The following OTOP1 variants were observed in gnomAD, a reference collection of about 807,000 sequenced individuals.
The protein encoded by OTOP1 is otopetrin 1, also known as proton channel OTOP1.
A neutral mutation model predicts 52.9 loss-of-function variants in OTOP1; 59 were observed. That is an observed-to-expected ratio of 1.12 (90% CI 0.91 to 1.39). The LOEUF (loss-of-function observed/expected upper bound fraction) is 1.39. Ranked by LOEUF, OTOP1 falls within the 40% of genes most tolerant of loss-of-function variation. The pLI is 0.00. For missense variants in OTOP1, 761 were observed against 800.9 expected, an observed-to-expected ratio of 0.95 and a Z score of 0.60; for synonymous variants, 317 against 337.7, an observed-to-expected ratio of 0.94 and a Z score of 0.67.
chr4:4,197,661 C>A lies in OTOP1; in HGVS notation c.1173G>T (p.Ser391=). The A allele has an allele frequency of 1.2e-6, 2 of 1,613,590 alleles. No individual in the cohort carries two copies. The highest frequency in any genetic ancestry group is 2.2e-5 in the South Asian group (2 of 90,998). The part of the protein sequence containing the change: ...ESKNPARKLD[S]DLLVGTASGS... Reference sequence around the variant, plus strand: ...CCGAGGCAGTGCCCACCAAGAGGTCCGAGTCCAGTTTGCGGGCCGGATTTT... The same window carrying A: ...CCGAGGCAGTGCCCACCAAGAGGTCAGAGTCCAGTTTGCGGGCCGGATTTT... Residue 391 remains serine (S), a synonymous_variant, in exon 5 of 6, where the codon TCG becomes TCT. Coordinates refer to ENST00000296358, the MANE Select transcript of OTOP1 (RefSeq NM_177998.3).
intron 5 of OTOP1, among the ~76,000 whole-genome samples, chr4:4,190,112 T>G (rs954148726): frequency 2.0e-5 from 3 of 152,210 alleles, no homozygotes; most frequent in African/African-American, 7.2e-5. Flanking sequence ...CACTCCCTGG[T>G]ATATACAGCC....
At chr4:4,221,029 T>C (rs1315095541) in intron 1 of OTOP1, among the ~76,000 whole-genome samples, 2 of 149,184 alleles carry the variant, frequency 1.3e-5, no homozygotes, top group Non-Finnish European at 3.0e-5. Flanking sequence ...ACTTTATTTA[T>C]ATATTATTTT....
intron 1 of OTOP1, among the ~76,000 whole-genome samples, chr4:4,219,559 G>A (rs908708740): frequency 2.4e-4 from 36 of 151,958 alleles, no homozygotes; most frequent in African/African-American, 8.2e-4. Context: ...AAAATTAGCC[G>A]GGCGTGGTGG....
rs757641046 is a variant in OTOP1 at position 4,206,053 on chromosome 4, A to T, written c.599+19T>A. On this transcript the variant is annotated intron_variant, in intron 3 of 5. Transcript: ENST00000296358. ...GAATGCCAAATTCAACATATAAAGC[A>T]ATTACCCACAATTTTTACCTTTCCA... 2 of 1,582,876 alleles carry T rather than the reference A, an allele frequency of 1.3e-6. No individual in the cohort carries two copies. Among genetic ancestry groups the T allele is most frequent in the Admixed American group, 3.4e-5 (2 of 59,492 alleles).
intron 3 of OTOP1, among the ~76,000 whole-genome samples, chr4:4,202,885 A>T (rs1201612982): frequency 2.0e-5 from 3 of 152,178 alleles, no homozygotes; most frequent in African/African-American, 7.2e-5. Flanking sequence ...AATTTACTAA[A>T]AGCAGACAAC....
chr4:4,197,799 C>T lies in OTOP1; in HGVS notation c.1035G>A (p.Ser345=), dbSNP rs145547332. The T allele has an allele frequency of 1.2e-3, 1,928 of 1,613,952 alleles. 33 individuals carry two copies. The South Asian group carries it at 0.019, about 16-fold the overall frequency. The part of the protein sequence containing the change: ...HIGRSKTKSE[S]ALIMFYLYAI... The stretch of plus-strand genomic sequence containing the variant: ...CATACAGGTAGAACATGATGAGTGC[C>T]GACTCGCTCTTGGTCTTGGAGCGCC... The change falls in exon 5 of 6, where the codon TCG becomes TCA. Residue 345 remains serine (S), a synonymous_variant. Transcript: ENST00000296358.
chr4:4,199,473 G>A (rs1716731305), intron 4 of OTOP1, among the ~76,000 whole-genome samples: 1 of 151,982 alleles, frequency 6.6e-6, no homozygotes, highest in Non-Finnish European at 1.5e-5. Context: ...GAGTGCTGTG[G>A]CAAAATCTTG....
intron 2 of OTOP1, 26 bp downstream of exon 2, chr4:4,212,842 A>G: frequency 6.2e-7 from 1 of 1,612,746 alleles, no homozygotes; most frequent in Non-Finnish European, 8.5e-7. Flanking sequence ...GGAATGAGAC[A>G]ATATAAATAA....
At chr4:4,196,277 C>T (rs1008235359) in intron 5 of OTOP1, among the ~76,000 whole-genome samples, 1 of 152,000 alleles carries the variant, frequency 6.6e-6, no homozygotes, top group African/African-American at 2.4e-5. Context: ...TTTGGCCAGG[C>T]GTGGGAGCTC....
At chr4:4,212,774 C>G in intron 2 of OTOP1, 94 bp downstream of exon 2, 5 of 1,419,616 alleles carry the variant, frequency 3.5e-6, no homozygotes, top group Non-Finnish European at 4.9e-6. Context: ...CACACTGTCT[C>G]CACCTGCCAC....
chr4:4,218,916 G>C (rs1424175312), intron 1 of OTOP1, among the ~76,000 whole-genome samples: 1 of 151,642 alleles, frequency 6.6e-6, no homozygotes, highest in Admixed American at 6.6e-5. Flanking sequence ...GTAACAAAGC[G>C]AGACTCCGTC....
At position 4,197,502 on chromosome 4, in the gene OTOP1, A is replaced by G; in HGVS notation, c.1332T>C (p.Phe444=). Residue 444 remains phenylalanine (F), a synonymous_variant, in exon 5 of 6, where the codon TTT becomes TTC. Transcript: ENST00000296358. ...VEKYIQNLFI[F]ESIHREPEKL... ...TTTCAGGCTCTCGGTGAATGGATTC[A>G]AAGATGAAGAGGTTCTGGATGTACT... 6.2e-7 allele frequency: 1 copy of G among 1,613,938 alleles called. No homozygotes were observed. Among genetic ancestry groups the G allele is most frequent in the African/African-American group, 1.3e-5 (1 of 75,000 alleles).
At chr4:4,222,806 A>G (rs1717330385) in intron 1 of OTOP1, among the ~76,000 whole-genome samples, 1 of 152,130 alleles carries the variant, frequency 6.6e-6, no homozygotes, top group Non-Finnish European at 1.5e-5. Context: ...ATTCCAGAGG[A>G]AACCCCAGTC....
At chr4:4,204,932 A>G (rs958078769) in intron 3 of OTOP1, among the ~76,000 whole-genome samples, 1 of 151,970 alleles carries the variant, frequency 6.6e-6, no homozygotes, top group Non-Finnish European at 1.5e-5. Context: ...CACCACACAC[A>G]GCTAATTTTT....
At chr4:4,223,299 A>T (rs1717340567) in intron 1 of OTOP1, among the ~76,000 whole-genome samples, 1 of 152,190 alleles carries the variant, frequency 6.6e-6, no homozygotes, top group African/African-American at 2.4e-5. Context: ...AATCTTGGGA[A>T]ATGGTGCAAC....
chr4:4,197,900 T>C lies in OTOP1; in HGVS notation c.934A>G (p.Met312Val), dbSNP rs141978409. ...QKMQFKSDGVMVGAVLGLTVL... is the reference protein window; with the variant it reads ...QKMQFKSDGVVVGAVLGLTVL... ...GTCAGGCCCAGGACTGCGCCCACCA[T>C]GACCCCATCAGACTTGAACTGCATC... The change falls in exon 5 of 6, where the codon ATG (methionine) becomes GTG (valine). Residue 312 changes from methionine (M) to valine (V), a missense_variant. Met to Val is a conservative substitution (Grantham distance 21). Coordinates refer to ENST00000296358, the MANE Select transcript of OTOP1 (RefSeq NM_177998.3). 8.1e-6 allele frequency: 13 copies of C among 1,613,974 alleles called. No individual in the cohort carries two copies. The African/African-American group carries it at 1.6e-4, about 20-fold the overall frequency.
At chr4:4,209,442 C>T (rs1353918348) in intron 2 of OTOP1, among the ~76,000 whole-genome samples, 4 of 152,038 alleles carry the variant, frequency 2.6e-5, no homozygotes, top group African/African-American at 9.7e-5. Context: ...CAATAAAATG[C>T]CTTAAATTAG....
At chr4:4,214,216 A>C (rs1717086849) in intron 1 of OTOP1, among the ~76,000 whole-genome samples, 1 of 152,200 alleles carries the variant, frequency 6.6e-6, no homozygotes, top group South Asian at 2.1e-4. Context: ...CACCATCACT[A>C]ATTACTAGAG....
At chr4:4,204,599 G>A (rs9884868) in intron 3 of OTOP1, among the ~76,000 whole-genome samples, 2,532 of 152,184 alleles carry the variant, frequency 0.017, 70 homozygotes, top group African/African-American at 0.058. Context: ...AAGGGCAGAC[G>A]TCATTTTCTC....
Sources: gnomAD v4.1 joint callset for allele counts (sites outside exome capture counted in the v4.1 genomes callset) on GRCh38, gnomAD v4.1.1 for gene constraint, MANE v1.5 for transcripts, NCBI Gene and HGNC (gene_info 2026-07-23, HGNC 2026-07-21) for gene names.